The following LACTBL1 variants were observed in gnomAD, a reference collection of about 807,000 sequenced individuals.
LACTBL1 encodes beta-lactamase-like protein 1.
LACTBL1 carries 29 observed loss-of-function variants against 39.6 expected under a neutral mutation model. The observed-to-expected ratio is 0.73, with a 90% CI of 0.55 to 1.00. The LOEUF is 1.00. LACTBL1 is among the 50% of genes least tolerant of loss of function. The pLI is 0.00. For missense variants in LACTBL1, 711 were observed against 748.5 expected, an observed-to-expected ratio of 0.95 and a Z score of 0.59; for synonymous variants, 361 against 360.7, an observed-to-expected ratio of 1.00 and a Z score of -0.01.
At chr1:22,958,737 G>A (rs1375750180) in exon 4 of LACTBL1, 19 of 1,550,440 alleles carry the variant, frequency 1.2e-5, no homozygotes, top group East Asian at 9.8e-5. Context: ...GCCTTGGGGC[G>A]GGGCCCACCT....
chr1:22,955,345 A>G (rs769466655), exon 5 of LACTBL1: 1 of 1,550,506 alleles, frequency 6.4e-7, no homozygotes, highest in South Asian at 1.2e-5. Context: ...CACTACCAGC[A>G]CATCGTCCTT....
upstream of LACTBL1, among the ~76,000 whole-genome samples, chr1:22,969,246 A>G (rs1028160897): frequency 6.6e-6 from 1 of 152,218 alleles, no homozygotes; most frequent in African/African-American, 2.4e-5. Context: ...ACTTTTACAC[A>G]CAAAAGAATT....
chr1:22,960,194 A>G lies in LACTBL1; in HGVS notation c.160-95T>C, dbSNP rs989966648. The G allele has an allele frequency of 4.9e-6, 7 of 1,426,752 alleles. No homozygotes were observed. In the African/African-American group the frequency reaches 9.9e-5, roughly 20 times the overall value. The allele number at this position is 1,426,752 out of a possible 1,614,324, so 88.4% of individuals were successfully genotyped here. ...ACCCTCGTCCATAGTCACACCCTGC[A>G]TGCAGCACCCCAGTGAGCCTCCCAG... On this transcript the variant is annotated intron_variant, in intron 2 of 5. Transcript: ENST00000426928.
At chr1:22,953,378 C>T (rs1640725390) in exon 6 of LACTBL1, 1 of 1,228,410 alleles carries the variant, frequency 8.1e-7, no homozygotes, top group East Asian at 3.2e-5. Flanking sequence ...GTCAGGTTGG[C>T]GAAGGTGAAG....
chr1:22,960,131 C>A lies in LACTBL1; in HGVS notation c.160-32G>T, dbSNP rs766353863. 1.1e-4 allele frequency: 167 copies of A among 1,547,582 alleles called. No individual in the cohort carries two copies. The African/African-American group carries it at 1.7e-3, about 15-fold the overall frequency. ...GGAAAAGAACGGGTGCAGTGACAGG[C>A]CCCCCTGCCCTCACCCTCAGTAATC... is the stretch of plus-strand genomic sequence containing the variant. On this transcript the variant is annotated intron_variant, in intron 2 of 5. Transcript: ENST00000426928.
chr1:22,961,099 C>T (rs1001309981), intron 2 of LACTBL1, among the ~76,000 whole-genome samples: 1 of 152,136 alleles, frequency 6.6e-6, no homozygotes, highest in Non-Finnish European at 1.5e-5. Flanking sequence ...ATTGAAAATA[C>T]CTCATCATTT....
In LACTBL1 at chr1:22,955,018, C is replaced by G. The variant is rs117127855; in HGVS notation, c.659+303G>C. ...TTATTTGCTCACGGTGTCTCCCTCACAAGAGTGCAAACTCCACGAGGAGCA... is the reference window on the plus strand; with the variant it reads ...TTATTTGCTCACGGTGTCTCCCTCAGAAGAGTGCAAACTCCACGAGGAGCA... On this transcript the variant is annotated intron_variant, in intron 5 of 5. Transcript: ENST00000426928. Among the ~76,000 whole-genome samples the G allele has an allele frequency of 1.8e-3, 267 of 152,382 alleles. 1 individual carries two copies. Among genetic ancestry groups the G allele is most frequent in the Admixed American group, 5.9e-3 (91 of 15,312 alleles).
At chr1:22,953,098 A>G in exon 6 of LACTBL1, 1 of 1,232,234 alleles carries the variant, frequency 8.1e-7, no homozygotes, top group Non-Finnish European at 1.0e-6. Flanking sequence ...GTACGTGTTG[A>G]GGCCGGGCAC....
At chr1:22,956,413 G>T (rs554351505) in intron 4 of LACTBL1, among the ~76,000 whole-genome samples, 1 of 152,124 alleles carries the variant, frequency 6.6e-6, no homozygotes, top group Non-Finnish European at 1.5e-5. Context: ...GGAGGAAGGA[G>T]CCCCAGTTCT....
chr1:22,966,133 A>G (rs1293943800), upstream of LACTBL1, among the ~76,000 whole-genome samples: 1 of 152,216 alleles, frequency 6.6e-6, no homozygotes, highest in Non-Finnish European at 1.5e-5. Context: ...AAATAATAGT[A>G]CCTACTTGTA....
intron 1 of LACTBL1, among the ~76,000 whole-genome samples, chr1:22,964,029 C>T (rs921619815): frequency 1.3e-5 from 2 of 152,098 alleles, no homozygotes; most frequent in Admixed American, 6.6e-5. Flanking sequence ...CTCTGCCTCC[C>T]GGGTTCAAGC....
At chr1:22,971,739 TC>T in the LACTBL1 span, among the ~76,000 whole-genome samples, 1 of 152,250 alleles carries the variant, frequency 6.6e-6, no homozygotes, top group Non-Finnish European at 1.5e-5. Context: ...TGACTCTGGC[TC>T]TGCCGTTACT....
upstream of LACTBL1, among the ~76,000 whole-genome samples, chr1:22,969,057 C>T (rs1324855234): frequency 6.6e-6 from 1 of 152,250 alleles, no homozygotes; most frequent in East Asian, 1.9e-4. Flanking sequence ...GGATTACAGG[C>T]ATGAATCACT....
In LACTBL1 at chr1:22,954,300, C is replaced by T. The variant is rs147264455; in HGVS notation, c.660-276G>A. On this transcript the variant is annotated intron_variant, in intron 5 of 5. Coordinates refer to ENST00000426928, the Ensembl canonical transcript of LACTBL1. ...AGCGGTGCACCTGGGAAAGCTGTCA[C>T]ACAAATCTTATTGGTCCTTCACACT... Among the ~76,000 whole-genome samples the T allele has an allele frequency of 1.6e-3, 248 of 152,312 alleles. 1 individual carries two copies. The highest frequency in any genetic ancestry group is 5.7e-3 in the African/African-American group (239 of 41,578).
intron 2 of LACTBL1, among the ~76,000 whole-genome samples, 154 bp downstream of exon 4, chr1:22,962,953 C>T (rs1321624388): frequency 6.6e-6 from 1 of 152,226 alleles, no homozygotes; most frequent in Non-Finnish European, 1.5e-5. Flanking sequence ...TTCTTCCTGC[C>T]ATATCCATAG....
At chr1:22,960,133 C>T (rs1017258014) in intron 2 of LACTBL1, 34 bp from the exon 5 acceptor site, 11 of 1,548,670 alleles carry the variant, frequency 7.1e-6, no homozygotes, top group Admixed American at 5.9e-5. Flanking sequence ...GTGACAGGCC[C>T]CCCTGCCCTC....
At chr1:22,972,810 G>A in the LACTBL1 span, 1 of 938,450 alleles carries the variant, frequency 1.1e-6, no homozygotes, top group Non-Finnish European at 1.3e-6. Context: ...GGCAGTTAGG[G>A]CCCCAGTTTG....
the LACTBL1 span, among the ~76,000 whole-genome samples, chr1:22,971,972 GGA>G: frequency 2.0e-5 from 3 of 152,144 alleles, no homozygotes; most frequent in Admixed American, 2.0e-4. Flanking sequence ...GGGAGGAGGA[GGA>G]GAGAGTCATT....
chr1:22,954,715 T>A (rs1174787192), intron 5 of LACTBL1, among the ~76,000 whole-genome samples: 3 of 152,188 alleles, frequency 2.0e-5, no homozygotes, highest in Non-Finnish European at 4.4e-5. Flanking sequence ...AAGCATCTCC[T>A]CTCTCTGCAT....
Sources: allele counts gnomAD v4.1 joint callset (sites outside exome capture counted in the v4.1 genomes callset), GRCh38; gene constraint gnomAD v4.1.1; transcripts MANE v1.5; gene names NCBI Gene and HGNC (gene_info 2026-07-23, HGNC 2026-07-21).